The following SV2C variants were observed in gnomAD, a reference collection of about 807,000 sequenced individuals.
SV2C encodes solute carrier family 22 member B3.
SV2C carries 49 observed loss-of-function variants against 79.7 expected under a neutral mutation model. The observed-to-expected ratio is 0.61, with a 90% CI of 0.49 to 0.78. The LOEUF is 0.78. SV2C is among the 30% of genes least tolerant of loss of function. The pLI is 0.00. For missense variants in SV2C, 833 were observed against 912.9 expected, an observed-to-expected ratio of 0.91 and a Z score of 1.13; for synonymous variants, 334 against 333.2, an observed-to-expected ratio of 1.00 and a Z score of -0.03.
At chr5:76,251,705 AAGAACCAG>A (rs994571200) in intron 4 of SV2C, among the ~76,000 whole-genome samples, 1 of 152,188 alleles carries the variant, frequency 6.6e-6, no homozygotes, top group African/African-American at 2.4e-5. Context: ...GCCACACTTT[AAGAACCAG>A]TGGTATCCAG....
intron 1 of SV2C, among the ~76,000 whole-genome samples, chr5:76,093,651 T>G (rs1467208487): frequency 6.6e-6 from 1 of 152,190 alleles, no homozygotes; most frequent in South Asian, 2.1e-4. Flanking sequence ...ACAAACTGAC[T>G]TCCAGACTGT....
At chr5:75,983,428 C>T in the SV2C span, among the ~76,000 whole-genome samples, 410 of 152,020 alleles carry the variant, frequency 2.7e-3, no homozygotes, top group African/African-American at 9.5e-3. Flanking sequence ...GGGAGGAAAA[C>T]TCTGGAGCTG....
chr5:76,057,120 T>C, the SV2C span, among the ~76,000 whole-genome samples: 7 of 152,304 alleles, frequency 4.6e-5, no homozygotes, highest in African/African-American at 1.7e-4. Context: ...CGCTTTCTGA[T>C]GTGGTCATTT....
intron 4 of SV2C, among the ~76,000 whole-genome samples, chr5:76,245,677 C>A (rs188502082): frequency 7.9e-5 from 12 of 152,254 alleles, no homozygotes; most frequent in Admixed American, 7.2e-4. Context: ...GCAGTCTCCA[C>A]CAATGACAGC....
chr5:75,970,855 G>A, the SV2C span, among the ~76,000 whole-genome samples: 2,317 of 152,130 alleles, frequency 0.015, 57 homozygotes, highest in African/African-American at 0.053. Flanking sequence ...ACCAAAGCCT[G>A]GCAGAGACAC....
At chr5:76,003,496 C>T in the SV2C span, among the ~76,000 whole-genome samples, 1 of 152,120 alleles carries the variant, frequency 6.6e-6, no homozygotes, top group Admixed American at 6.5e-5. Flanking sequence ...AGCCTGTATC[C>T]TCTGTTGCCA....
intron 4 of SV2C, among the ~76,000 whole-genome samples, chr5:76,268,102 G>A (rs1403905700): frequency 1.3e-5 from 2 of 152,170 alleles, no homozygotes; most frequent in African/African-American, 4.8e-5. Context: ...GGGAGCCCCT[G>A]GTTGGAAATG....
At chr5:76,312,268 G>C (rs376871407) in intron 12 of SV2C, among the ~76,000 whole-genome samples, 70 of 151,546 alleles carry the variant, frequency 4.6e-4, no homozygotes, top group Non-Finnish European at 8.1e-4. Context: ...TTTTTTGGGG[G>C]GGGGGACAGG....
At chr5:76,005,930 T>C in the SV2C span, among the ~76,000 whole-genome samples, 1 of 152,204 alleles carries the variant, frequency 6.6e-6, no homozygotes. Flanking sequence ...TCTTATCTGC[T>C]GTCTCCCTGC....
At chr5:75,948,608 A>C in the SV2C span, among the ~76,000 whole-genome samples, 1 of 152,042 alleles carries the variant, frequency 6.6e-6, no homozygotes, top group Non-Finnish European at 1.5e-5. Context: ...GGTGGTGGTC[A>C]GGGAGGGCTT....
the SV2C span, among the ~76,000 whole-genome samples, chr5:76,016,392 A>G: frequency 0.44 from 67,067 of 151,846 alleles, 16,716 homozygotes; most frequent in Middle Eastern, 0.58. Flanking sequence ...GGAGAGGGGC[A>G]GTCAACCCAA....
chr5:76,129,779 G>C (rs1222150547), intron 1 of SV2C, among the ~76,000 whole-genome samples: 11 of 152,178 alleles, frequency 7.2e-5, no homozygotes, highest in Non-Finnish European at 1.5e-4. Flanking sequence ...CACTGGGGTA[G>C]TGCTGTAGGG....
the SV2C span, among the ~76,000 whole-genome samples, chr5:75,851,541 G>C: frequency 2.0e-5 from 3 of 152,194 alleles, no homozygotes; most frequent in Non-Finnish European, 4.4e-5. Context: ...GATTTTTGAA[G>C]AGTGTCCGAT....
rs1189278664 is a variant in SV2C at position 76,330,932 on chromosome 5, A to G, written c.*5385A>G. On this transcript the variant is annotated 3_prime_UTR_variant, in exon 13 of 13. Coordinates refer to ENST00000502798, the MANE Select transcript of SV2C (RefSeq NM_014979.4). ...AGTGCAGTGGTGCAATCTCGGCTCA[A>G]TGCAACTTCCGCCTCCCAGGTTCAA... The G allele has an allele frequency of 6.6e-6, 1 of 151,706 alleles. No individual in the cohort carries two copies. Among genetic ancestry groups the G allele is most frequent in the African/African-American group, 2.4e-5 (1 of 41,212 alleles). The allele number at this position is 151,706 out of a possible 1,614,324, so 9.4% of individuals were successfully genotyped here.
At chr5:76,273,789 C>T (rs1219821316) in intron 4 of SV2C, among the ~76,000 whole-genome samples, 1 of 152,150 alleles carries the variant, frequency 6.6e-6, no homozygotes, top group Non-Finnish European at 1.5e-5. Context: ...GTATAATTGG[C>T]TCTCACTTCC....
chr5:75,852,624 G>A, the SV2C span, among the ~76,000 whole-genome samples: 5 of 151,940 alleles, frequency 3.3e-5, no homozygotes, highest in Non-Finnish European at 7.4e-5. Flanking sequence ...AGAATATTTC[G>A]TCTATAGATC....
chr5:75,899,475 T>G, the SV2C span, among the ~76,000 whole-genome samples: 1 of 152,168 alleles, frequency 6.6e-6, no homozygotes, highest in Non-Finnish European at 1.5e-5. Context: ...TGAGGAGAGC[T>G]TTACTTCCAA....
chr5:76,334,157 GGAA>G (rs532545198), downstream of SV2C, among the ~76,000 whole-genome samples: 39 of 152,302 alleles, frequency 2.6e-4, no homozygotes, highest in African/African-American at 7.5e-4. Flanking sequence ...AGGACCAGTG[GGAA>G]GAATATGTTC....
At chr5:76,338,555 G>A (rs991653678), downstream of SV2C, among the ~76,000 whole-genome samples, 4 of 152,274 alleles carry the variant, frequency 2.6e-5, no homozygotes, top group African/African-American at 9.6e-5. Flanking sequence ...GCAGTCTGCT[G>A]CTGCTAACCC....
Sources: allele counts gnomAD v4.1 joint callset (sites outside exome capture counted in the v4.1 genomes callset), GRCh38; gene constraint gnomAD v4.1.1; transcripts MANE v1.5; gene names NCBI Gene and HGNC (gene_info 2026-07-23, HGNC 2026-07-21).